The following MAP3K2 variants were observed in gnomAD, a reference collection of about 807,000 sequenced individuals.
MAP3K2 encodes the protein mitogen-activated protein kinase kinase kinase 2, also known as MAP/ERK kinase kinase 2.
MAP3K2 carries 24 observed loss-of-function variants against 80.3 expected under a neutral mutation model. That is an observed-to-expected ratio of 0.30 (90% CI 0.22 to 0.42). The LOEUF (loss-of-function observed/expected upper bound fraction) is 0.42, where lower values mean the gene tolerates loss of function less well. Ranked by LOEUF, MAP3K2 falls within the 10% of genes least tolerant of loss-of-function variation. MAP3K2 has a pLI of 1.00. For missense variants in MAP3K2, 608 were observed against 750.1 expected (o/e 0.81, Z 2.21); for synonymous variants, 244 against 253.7 (o/e 0.96, Z 0.36).
intron 8 of MAP3K2, 58 bp from the exon 9 acceptor site, chr2:127,325,865 T>TA (rs138542182): frequency 2.6e-6 from 3 of 1,149,714 alleles, no homozygotes; most frequent in Non-Finnish European, 3.9e-6. Context: ...AGTTGCTTAT[T>TA]AAAAAAACCT....
At chr2:127,318,615 C>CTGTA (rs1385399979) in intron 12 of MAP3K2, among the ~76,000 whole-genome samples, 3 of 152,190 alleles carry the variant, frequency 2.0e-5, no homozygotes. Flanking sequence ...ATTCCAAAGA[C>CTGTA]TGTAAGATGC....
intron 9 of MAP3K2, among the ~76,000 whole-genome samples, chr2:127,324,688 C>T (rs1686094961): frequency 6.6e-6 from 1 of 152,160 alleles, no homozygotes; most frequent in Admixed American, 6.5e-5. Context: ...TCTTAAATGT[C>T]TACCTTAAGA....
In MAP3K2 at chr2:127,387,488, A is replaced by C; in HGVS notation, c.-102T>G. 4.1e-6 allele frequency: 4 copies of C among 984,746 alleles called. No individual in the cohort carries two copies. Among genetic ancestry groups the C allele is most frequent in the Non-Finnish European group, 4.8e-6 (4 of 829,832 alleles). 61.0% of individuals were successfully genotyped at this position (984,746 alleles called of 1,614,324 possible). On this transcript the variant is annotated 5_prime_UTR_variant, in exon 1 of 17. Transcript: ENST00000682094. ...CAGGGACGTAGAGAGCCGCAGGCCC[A>C]AGGAGGGGCCGCCCCCGCCGAGCCC...
chr2:127,316,792 T>A (rs1685913576), intron 14 of MAP3K2: 1 of 152,180 alleles, frequency 6.6e-6, no homozygotes, highest in African/African-American at 2.4e-5. Flanking sequence ...TAAAAAAGGC[T>A]GAATGTGAAT....
rs759299340 is a variant in MAP3K2 at position 127,324,468 on chromosome 2, G to A, written c.678-227C>T. The stretch of plus-strand genomic sequence containing the variant: ...CCTTACAGTACAGTGGAAGAATGAC[G>A]TATTTTGGAATCATTAGGTGTTTCT... On this transcript the variant is annotated intron_variant, in intron 9 of 16. Coordinates refer to ENST00000682094, the MANE Select transcript of MAP3K2 (RefSeq NM_001371910.2). Among the ~76,000 whole-genome samples the A allele has an allele frequency of 1.9e-4, 29 of 152,276 alleles. No homozygotes were observed. The Middle Eastern group carries it at 0.017, about 90-fold the overall frequency.
chr2:127,339,863 GATAA>G lies in MAP3K2; in HGVS notation c.5-817_5-814del, dbSNP rs1270103260. 1.3e-5 allele frequency among the ~76,000 whole-genome samples: 2 copies of G among 152,086 alleles called. No individual in the cohort carries two copies. Among genetic ancestry groups the G allele is most frequent in the African/African-American group, 2.4e-5 (1 of 41,424 alleles). On this transcript the variant is annotated intron_variant, in intron 2 of 16. Transcript: ENST00000682094. This position sits in a 1 kb window ranked among gnomAD's most constrained non-coding sequence, Gnocchi z 4.2. ...AATTCTACTAATGATAATCACAAAT[GATAA>G]ATAAAGGAATCAAGAGACTTTACAC...
chr2:127,360,990 G>C (rs932499447), intron 1 of MAP3K2, among the ~76,000 whole-genome samples: 8 of 151,964 alleles, frequency 5.3e-5, no homozygotes, highest in African/African-American at 1.9e-4. Flanking sequence ...TTTGAACTTT[G>C]TACCCTATCA....
At chr2:127,317,917 T>C (rs1289142775) in intron 13 of MAP3K2, among the ~76,000 whole-genome samples, 157 bp from the exon 14 acceptor site, 4 of 152,158 alleles carry the variant, frequency 2.6e-5, no homozygotes, top group African/African-American at 9.7e-5. Context: ...AAACAGTCCT[T>C]GATGATATGC....
intron 1 of MAP3K2, among the ~76,000 whole-genome samples, chr2:127,355,522 A>T (rs930519221): frequency 2.6e-5 from 4 of 152,124 alleles, no homozygotes; most frequent in Admixed American, 6.5e-5. Context: ...AACAATGTAC[A>T]TGCCTTAATT....
chr2:127,306,890 C>T lies in MAP3K2; in HGVS notation c.*689G>A, dbSNP rs928874806. 4.0e-5 allele frequency: 6 copies of T among 151,830 alleles called. No homozygotes were observed. Among genetic ancestry groups the T allele is most frequent in the African/African-American group, 1.5e-4 (6 of 41,078 alleles). The allele number at this position is 151,830 out of a possible 1,614,324, so 9.4% of individuals were successfully genotyped here. Reference sequence around the variant, plus strand: ...TGTGTGTGTGTTTTTAAGCAGAAAGCTATCCCTCAAGGTTTACAGATTCCA... The same window carrying T: ...TGTGTGTGTGTTTTTAAGCAGAAAGTTATCCCTCAAGGTTTACAGATTCCA... On this transcript the variant is annotated 3_prime_UTR_variant, in exon 17 of 17. Transcript: ENST00000682094. The surrounding 1 kb of genome is among the most constrained non-coding windows in gnomAD (Gnocchi z 4.7).
chr2:127,314,265 C>T (rs1685859548), intron 15 of MAP3K2, among the ~76,000 whole-genome samples: 1 of 152,156 alleles, frequency 6.6e-6, no homozygotes, highest in African/African-American at 2.4e-5. Flanking sequence ...GGTAGTGACA[C>T]CCATTCCTCC....
intron 1 of MAP3K2, among the ~76,000 whole-genome samples, chr2:127,372,862 C>A (rs559007052): frequency 6.6e-6 from 1 of 152,316 alleles, no homozygotes; most frequent in East Asian, 1.9e-4. Flanking sequence ...CACCCATTTT[C>A]GTCATTCCCA....
chr2:127,331,149 T>C (rs1686248948), intron 5 of MAP3K2, among the ~76,000 whole-genome samples: 1 of 152,196 alleles, frequency 6.6e-6, no homozygotes, highest in Admixed American at 6.5e-5. Context: ...CTTTCACTAG[T>C]CTTCTCATGC....
rs932321812 is a variant in MAP3K2 at position 127,354,709 on chromosome 2, T to C, written c.-65-11515A>G. ...CTAACAAGGTAGAATTCATAATATA[T>C]GGTATTGAATCAAAAAGTACCAAAT... On this transcript the variant is annotated intron_variant, in intron 1 of 16. Coordinates refer to ENST00000682094, the MANE Select transcript of MAP3K2 (RefSeq NM_001371910.2). 4.6e-5 allele frequency among the ~76,000 whole-genome samples: 7 copies of C among 152,132 alleles called. 1 individual carries two copies. Among genetic ancestry groups the C allele is most frequent in the Admixed American group, 3.3e-4 (5 of 15,294 alleles).
intron 1 of MAP3K2, among the ~76,000 whole-genome samples, chr2:127,385,320 C>G (rs1574012684): frequency 6.6e-6 from 1 of 152,288 alleles, no homozygotes; most frequent in East Asian, 1.9e-4. Flanking sequence ...AGGCAAGACC[C>G]TCCACCAGCA....
intron 1 of MAP3K2, among the ~76,000 whole-genome samples, chr2:127,382,497 T>C (rs1318227472): frequency 1.3e-5 from 2 of 152,254 alleles, no homozygotes; most frequent in African/African-American, 4.8e-5. Flanking sequence ...AGTAGAGGTA[T>C]ACCTTGTTTT....
intron 1 of MAP3K2, among the ~76,000 whole-genome samples, chr2:127,349,603 C>T (rs1686658516): frequency 6.6e-6 from 1 of 152,116 alleles, no homozygotes. Context: ...GTCTAAACAT[C>T]TTATTTTAAA....
chr2:127,367,141 C>A (rs1190242026), intron 1 of MAP3K2, among the ~76,000 whole-genome samples: 1 of 152,078 alleles, frequency 6.6e-6, no homozygotes, highest in Admixed American at 6.5e-5. Flanking sequence ...GACATAACAG[C>A]TTGGGGGTGA....
chr2:127,308,193 T>C (rs1685743326), intron 16 of MAP3K2, among the ~76,000 whole-genome samples: 1 of 152,146 alleles, frequency 6.6e-6, no homozygotes, highest in East Asian at 1.9e-4. Flanking sequence ...AAGTAGAAAA[T>C]GGCCATTTCA....
Sources: allele counts gnomAD v4.1 joint callset (sites outside exome capture counted in the v4.1 genomes callset), GRCh38; gene constraint gnomAD v4.1.1; non-coding constraint Gnocchi (gnomAD v3.1); transcripts MANE v1.5; gene names NCBI Gene and HGNC (gene_info 2026-07-23, HGNC 2026-07-21).